Variants in STPG2 observed in about 807,000 individuals in gnomAD.
The protein encoded by STPG2 is sperm tail PG-rich repeat containing 2.
In STPG2, 56 loss-of-function variants were observed where a neutral mutation model predicts 54.2. The observed-to-expected ratio is 1.03, with a 90% CI of 0.83 to 1.29. STPG2 has a LOEUF of 1.29. Ranked by LOEUF, STPG2 falls within the 50% of genes most tolerant of loss-of-function variation. STPG2 has a pLI of 0.00. For missense variants in STPG2, 596 were observed against 544.9 expected (o/e 1.09, Z -0.93); for synonymous variants, 200 against 181.8 (o/e 1.10, Z -0.81).
At chr4:98,017,688 T>A (rs549361018) in intron 5 of STPG2, among the ~76,000 whole-genome samples, 1 of 152,294 alleles carries the variant, frequency 6.6e-6, no homozygotes, top group Non-Finnish European at 1.5e-5. Context: ...TCTGTGAAGG[T>A]GATATGGTTT....
At chr4:97,893,841 A>G (rs916001979) in intron 8 of STPG2, among the ~76,000 whole-genome samples, 2 of 152,038 alleles carry the variant, frequency 1.3e-5, no homozygotes, top group African/African-American at 2.4e-5. Flanking sequence ...ACAGGTGGCA[A>G]TCTCTAGACA....
chr4:97,583,417 C>T (rs1255878922), intron 10 of STPG2, among the ~76,000 whole-genome samples: 10 of 151,976 alleles, frequency 6.6e-5, no homozygotes, highest in Non-Finnish European at 1.5e-4. Flanking sequence ...TTAACAGAAC[C>T]TTTAAAAATT....
rs897707006 is a variant in STPG2 at position 97,517,270 on chromosome 4, A to G, written c.462+195429T>C. Among the ~76,000 whole-genome samples the G allele has an allele frequency of 3.9e-5, 6 of 152,142 alleles. No individual in the cohort carries two copies. The East Asian group carries it at 1.2e-3, about 30-fold the overall frequency. ...GTCTCGTGCTTATCCCAGCTACTAG[A>G]GAGTCTGAGGCAGGAAAATTGCTTG... On this transcript the variant is annotated intron_variant, in intron 4 of 4. Transcript: ENST00000522676.
chr4:98,025,460 G>C, intron 5 of STPG2: 2 of 498,134 alleles, frequency 4.0e-6, no homozygotes, highest in South Asian at 3.4e-5. Flanking sequence ...ACGAGGAAAG[G>C]GTAAAACTGA....
intron 5 of STPG2, among the ~76,000 whole-genome samples, chr4:98,103,269 T>C (rs1578855797): frequency 6.6e-6 from 1 of 152,140 alleles, no homozygotes; most frequent in Non-Finnish European, 1.5e-5. Flanking sequence ...TAAATGTACA[T>C]ACACTTATTA....
chr4:97,908,520 T>C (rs1246001654), intron 8 of STPG2, among the ~76,000 whole-genome samples: 1 of 151,938 alleles, frequency 6.6e-6, no homozygotes, highest in African/African-American at 2.4e-5. Flanking sequence ...ACTGGGTATA[T>C]ACCCAAAGGA....
intron 9 of STPG2, among the ~76,000 whole-genome samples, chr4:97,802,318 C>T (rs1727425888): frequency 6.6e-6 from 1 of 152,108 alleles, no homozygotes; most frequent in African/African-American, 2.4e-5. Flanking sequence ...CTGTATATGG[C>T]ATTCTCCCAT....
In STPG2 at chr4:97,803,507, G is replaced by A. The variant is rs140053800; in HGVS notation, c.1204+37266C>T. Among the ~76,000 whole-genome samples, 665 of 152,286 alleles carry A rather than the reference G, an allele frequency of 4.4e-3. 3 individuals are homozygous for A. The highest frequency in any genetic ancestry group is 0.024 in the South Asian group (116 of 4,828). ...CAAGCAGGTATTTAGGACCCAGGCTGTCAATGGCTTTGCCATCTTCTACAG... is the reference window on the plus strand; with the variant it reads ...CAAGCAGGTATTTAGGACCCAGGCTATCAATGGCTTTGCCATCTTCTACAG... On this transcript the variant is annotated intron_variant, in intron 9 of 10. Coordinates refer to ENST00000295268, the MANE Select transcript of STPG2 (RefSeq NM_174952.3).
At chr4:97,527,706 T>C (rs1212524366) in intron 4 of STPG2, among the ~76,000 whole-genome samples, 1 of 152,186 alleles carries the variant, frequency 6.6e-6, no homozygotes, top group Non-Finnish European at 1.5e-5. Context: ...TGGTATGAGA[T>C]GGTATTTCAT....
At chr4:97,464,262 T>G (rs1729736770) in intron 4 of STPG2, among the ~76,000 whole-genome samples, 1 of 152,296 alleles carries the variant, frequency 6.6e-6, no homozygotes, top group Non-Finnish European at 1.5e-5. Context: ...CAAATGAAAG[T>G]ACGCAGTATA....
chr4:97,675,683 G>A (rs553525328), intron 10 of STPG2, among the ~76,000 whole-genome samples: 2 of 151,926 alleles, frequency 1.3e-5, no homozygotes, highest in Admixed American at 6.6e-5. Flanking sequence ...TTGTGTGTGT[G>A]TGTGTGTGTG....
At chr4:98,131,996 C>T (rs777540293) in intron 2 of STPG2, among the ~76,000 whole-genome samples, 1 of 152,104 alleles carries the variant, frequency 6.6e-6, no homozygotes, top group Non-Finnish European at 1.5e-5. Context: ...GCAACTGTCA[C>T]ATTTTGTCTT....
At chr4:98,055,810 A>T (rs1392311845) in intron 5 of STPG2, among the ~76,000 whole-genome samples, 1 of 152,180 alleles carries the variant, frequency 6.6e-6, no homozygotes, top group Non-Finnish European at 1.5e-5. Flanking sequence ...TGACCTGAGC[A>T]ACCCTTGGTC....
At chr4:98,059,323 G>A (rs147680061) in intron 5 of STPG2, among the ~76,000 whole-genome samples, 152 of 151,976 alleles carry the variant, frequency 1.0e-3, no homozygotes, top group African/African-American at 3.4e-3. Flanking sequence ...AGAAATTGGA[G>A]TTTTCTTCTC....
chr4:97,589,157 T>C (rs1358737187), intron 10 of STPG2, among the ~76,000 whole-genome samples: 4 of 152,002 alleles, frequency 2.6e-5, no homozygotes, highest in African/African-American at 9.7e-5. Context: ...AGGGATAAAA[T>C]GTAGTGAAAG....
At chr4:97,694,604 C>T (rs780948485) in intron 10 of STPG2, among the ~76,000 whole-genome samples, 2 of 151,016 alleles carry the variant, frequency 1.3e-5, no homozygotes, top group African/African-American at 2.4e-5. Flanking sequence ...GTCAGGAGAT[C>T]GATATCATCC....
At chr4:97,817,570 A>G (rs2149101883) in intron 9 of STPG2, among the ~76,000 whole-genome samples, 1 of 152,112 alleles carries the variant, frequency 6.6e-6, no homozygotes, top group South Asian at 2.1e-4. Context: ...GTTGCATTTT[A>G]CACTGGCTGC....
chr4:98,079,838 A>G (rs1361350281), intron 5 of STPG2, among the ~76,000 whole-genome samples: 2 of 152,134 alleles, frequency 1.3e-5, no homozygotes, highest in Non-Finnish European at 2.9e-5. Context: ...TGCTTTTAAA[A>G]TATTTTTAAA....
chr4:97,508,888 T>C (rs901110436), intron 4 of STPG2, among the ~76,000 whole-genome samples: 2 of 152,152 alleles, frequency 1.3e-5, no homozygotes, highest in Admixed American at 6.6e-5. Flanking sequence ...GCAAACACTC[T>C]AACTACCCAT....
Sources: allele counts gnomAD v4.1 joint callset (sites outside exome capture counted in the v4.1 genomes callset), GRCh38; gene constraint gnomAD v4.1.1; transcripts MANE v1.5; gene names NCBI Gene and HGNC (gene_info 2026-07-23, HGNC 2026-07-21).